The following FNDC3A variants were observed in gnomAD, a reference collection of about 807,000 sequenced individuals.
FNDC3A encodes the protein fibronectin type-III domain-containing protein 3A.
A neutral mutation model predicts 148.9 loss-of-function variants in FNDC3A; 32 were observed. The observed-to-expected ratio is 0.21, with a 90% CI of 0.16 to 0.29. FNDC3A has a LOEUF of 0.29. FNDC3A is among the 10% of genes least tolerant of loss of function. The probability of loss-of-function intolerance (pLI) is 1.00; values close to 1 mark genes in which losing one functional copy is unlikely to be tolerated. For synonymous variants in FNDC3A, 472 were observed against 473.6 expected, an observed-to-expected ratio of 1.00 and a Z score of 0.04; for missense variants, 1,191 against 1,452.8, an observed-to-expected ratio of 0.82 and a Z score of 2.93.
intron 14 of FNDC3A, among the ~76,000 whole-genome samples, chr13:49,181,518 A>G (rs1421317391): frequency 6.6e-6 from 1 of 151,108 alleles, no homozygotes; most frequent in African/African-American, 2.4e-5. Flanking sequence ...CTAGAGGAGG[A>G]AAAAAAAACA....
intron 3 of FNDC3A, among the ~76,000 whole-genome samples, chr13:49,100,968 G>GT (rs566370142): frequency 1.8e-4 from 28 of 152,198 alleles, no homozygotes; most frequent in African/African-American, 6.5e-4. Context: ...CGACATCTTA[G>GT]TATAAGTAAA....
At chr13:49,091,386 G>T (rs957466820) in intron 3 of FNDC3A, among the ~76,000 whole-genome samples, 34 of 150,734 alleles carry the variant, frequency 2.3e-4, no homozygotes, top group African/African-American at 7.8e-4. Context: ...AGAAAACAGA[G>T]ACTTTAAAAC....
At chr13:49,081,328 T>G (rs1002639849) in intron 3 of FNDC3A, among the ~76,000 whole-genome samples, 2 of 152,206 alleles carry the variant, frequency 1.3e-5, no homozygotes, top group African/African-American at 4.8e-5. Context: ...TTGAATAATT[T>G]TTATATGCTC....
intron 8 of FNDC3A, among the ~76,000 whole-genome samples, chr13:49,163,883 ATTCT>A (rs1424824787): frequency 2.0e-5 from 3 of 151,964 alleles, no homozygotes; most frequent in African/African-American, 7.3e-5. Flanking sequence ...TCTTTGTTTC[ATTCT>A]TTCTTATTAT....
intron 1 of FNDC3A, among the ~76,000 whole-genome samples, chr13:48,999,332 C>T (rs1952081913): frequency 1.3e-5 from 2 of 152,316 alleles, no homozygotes; most frequent in Admixed American, 1.3e-4. Flanking sequence ...ACATGTCACC[C>T]CTTTCTTTAA....
At chr13:49,012,278 T>C (rs2137613609) in intron 2 of FNDC3A, among the ~76,000 whole-genome samples, 1 of 152,226 alleles carries the variant, frequency 6.6e-6, no homozygotes, top group Non-Finnish European at 1.5e-5. Context: ...CATGCCCGGC[T>C]AATTTTTTGT....
chr13:49,171,189 C>T (rs1448248456), intron 10 of FNDC3A, among the ~76,000 whole-genome samples: 1 of 152,004 alleles, frequency 6.6e-6, no homozygotes, highest in Non-Finnish European at 1.5e-5. Context: ...TCTGTATTAG[C>T]GTTTAACAAA....
chr13:49,119,945 A>G lies in FNDC3A; in HGVS notation c.252+5214A>G, dbSNP rs1881223296. On this transcript the variant is annotated intron_variant, in intron 4 of 25. Transcript: ENST00000492622. ...GATATTATCCAGGAGAACTTCCCCA[A>G]CCTAGCAAGACAGGCCAACATTCAA... Among the ~76,000 whole-genome samples the G allele has an allele frequency of 3.3e-5, 5 of 152,182 alleles. No homozygotes were observed. In the South Asian group the frequency reaches 1.0e-3, roughly 32 times the overall value.
intron 20 of FNDC3A, among the ~76,000 whole-genome samples, chr13:49,197,455 A>T (rs1239828718): frequency 6.6e-6 from 1 of 152,212 alleles, no homozygotes; most frequent in Non-Finnish European, 1.5e-5. Context: ...AATTATCTTG[A>T]AACATATTTA....
chr13:49,033,703 A>G (rs1353665109), intron 2 of FNDC3A, among the ~76,000 whole-genome samples: 1 of 151,920 alleles, frequency 6.6e-6, no homozygotes, highest in Non-Finnish European at 1.5e-5. Context: ...TTTACTAGAT[A>G]AGCAAGTTTA....
At chr13:48,982,549 G>C (rs755311445) in intron 1 of FNDC3A, among the ~76,000 whole-genome samples, 5 of 152,038 alleles carry the variant, frequency 3.3e-5, no homozygotes, top group Non-Finnish European at 7.4e-5. Context: ...AAAATGTAGG[G>C]GCTACTGCCC....
chr13:49,049,101 G>A (rs986730360), intron 2 of FNDC3A, among the ~76,000 whole-genome samples: 3 of 152,086 alleles, frequency 2.0e-5, no homozygotes, highest in African/African-American at 7.2e-5. Context: ...TTTATGTGGT[G>A]TATCACATTT....
At chr13:49,035,667 A>G (rs781267042) in intron 2 of FNDC3A, among the ~76,000 whole-genome samples, 3 of 152,068 alleles carry the variant, frequency 2.0e-5, no homozygotes, top group Non-Finnish European at 4.4e-5. Context: ...TCTGTTTTGT[A>G]TTTTAATTGG....
chr13:49,207,115 C>G lies in FNDC3A; in HGVS notation c.3317C>G (p.Ser1106Cys). Residue 1106 changes from serine to cysteine, a missense_variant, in exon 26 of 26, where the codon TCC becomes TGC. Ser to Cys is a moderately radical substitution (Grantham distance 112). This residue lies in a region of FNDC3A where 751 missense variants were observed against 944.0 expected (regional missense o/e 0.80). Transcript: ENST00000492622. Reference sequence around the variant, plus strand: ...GGTCCCGACTCTTCCTTCCGGTATTCCAGCCTTCAGCTGAACTGTGAATAT... The same window carrying G: ...GGTCCCGACTCTTCCTTCCGGTATTGCAGCCTTCAGCTGAACTGTGAATAT... ...YKGPDSSFRY[S>C]SLQLNCEYRF... The G allele has an allele frequency of 6.2e-7, 1 of 1,614,110 alleles. No homozygotes were observed. The highest frequency in any genetic ancestry group is 1.1e-5 in the South Asian group (1 of 91,078).
intron 4 of FNDC3A, among the ~76,000 whole-genome samples, chr13:49,130,763 AC>A (rs1454210897): frequency 6.6e-6 from 1 of 151,644 alleles, no homozygotes; most frequent in African/African-American, 2.4e-5. Context: ...TCTTACTCTT[AC>A]ATTTTTATTT....
At chr13:49,010,646 A>G (rs928374028) in intron 2 of FNDC3A, among the ~76,000 whole-genome samples, 4 of 152,232 alleles carry the variant, frequency 2.6e-5, no homozygotes, top group African/African-American at 7.2e-5. Flanking sequence ...AGCATGAAAT[A>G]TAGCATATGA....
chr13:49,199,379 G>A (rs1050004083), intron 23 of FNDC3A, among the ~76,000 whole-genome samples: 13 of 149,360 alleles, frequency 8.7e-5, no homozygotes, highest in African/African-American at 3.2e-4. Context: ...CCAGGCTGGA[G>A]TGCAGTGACG....
intron 2 of FNDC3A, among the ~76,000 whole-genome samples, chr13:49,032,408 A>G (rs1308690083): frequency 1.3e-5 from 2 of 152,230 alleles, no homozygotes; most frequent in African/African-American, 2.4e-5. Flanking sequence ...TAAACAAAAT[A>G]TGGTATATCA....
At chr13:49,187,707 G>A (rs1044204936) in intron 16 of FNDC3A, 8 of 1,431,816 alleles carry the variant, frequency 5.6e-6, no homozygotes, top group South Asian at 3.5e-5. Flanking sequence ...CACAGAAACC[G>A]AGGACGGATG....
Sources: allele counts gnomAD v4.1 joint callset (sites outside exome capture counted in the v4.1 genomes callset), GRCh38; gene constraint gnomAD v4.1.1; regional missense constraint gnomAD v4.1.1; transcripts MANE v1.5; gene names NCBI Gene and HGNC (gene_info 2026-07-23, HGNC 2026-07-21).